SLC4A4: variants seen among roughly 807,000 people sequenced by gnomAD.
SLC4A4 encodes electrogenic sodium bicarbonate cotransporter 1.
In SLC4A4, 27 loss-of-function variants were observed where a neutral mutation model predicts 111.5. That is an observed-to-expected ratio of 0.24 (90% CI 0.18 to 0.33). The LOEUF (loss-of-function observed/expected upper bound fraction) is 0.33, where lower values mean the gene tolerates loss of function less well. Among genes scored for constraint, SLC4A4 ranks in the 10% least tolerant of loss-of-function variants. The pLI is 1.00. For missense variants in SLC4A4, 909 were observed against 1,315.5 expected (o/e 0.69, Z 4.78); for synonymous variants, 443 against 463.4 (o/e 0.96, Z 0.57).
At chr4:71,477,265 G>A (rs1268316026) in intron 14 of SLC4A4, among the ~76,000 whole-genome samples, 1 of 151,724 alleles carries the variant, frequency 6.6e-6, no homozygotes, top group African/African-American at 2.4e-5. Flanking sequence ...ATGCAAAATA[G>A]TTTGGCACCT....
chr4:71,531,795 ACACACACAC>A (rs1733943461), intron 16 of SLC4A4, among the ~76,000 whole-genome samples: 2 of 149,006 alleles, frequency 1.3e-5, no homozygotes, highest in African/African-American at 2.5e-5. Context: ...ACACACACAC[ACACACACAC>A]AGAAAGAGAG....
chr4:71,325,175 A>G (rs1006595103), intron 3 of SLC4A4, among the ~76,000 whole-genome samples: 2 of 151,892 alleles, frequency 1.3e-5, no homozygotes, highest in African/African-American at 4.8e-5. Context: ...TGGTTGGGGT[A>G]AAGGTATGTT....
intron 6 of SLC4A4, among the ~76,000 whole-genome samples, chr4:71,381,250 C>A (rs773919846): frequency 1.3e-5 from 2 of 152,166 alleles, no homozygotes; most frequent in Non-Finnish European, 2.9e-5. Context: ...AAAATCGATT[C>A]TTCTAGCACA....
chr4:71,086,663 C>A (rs1438796377), intron 1 of SLC4A4, among the ~76,000 whole-genome samples: 1 of 151,912 alleles, frequency 6.6e-6, no homozygotes, highest in African/African-American at 2.4e-5. Flanking sequence ...TTGAGATAAT[C>A]GTATGGTTTT....
intron 2 of SLC4A4, among the ~76,000 whole-genome samples, chr4:71,182,062 C>T (rs1201235119): frequency 6.6e-6 from 1 of 152,154 alleles, no homozygotes; most frequent in East Asian, 1.9e-4. Flanking sequence ...ATTTTGTCCA[C>T]TTATTTGTTT....
intron 17 of SLC4A4, 47 bp downstream of exon 17, chr4:71,532,222 T>C: frequency 1.9e-6 from 2 of 1,035,346 alleles, no homozygotes. Flanking sequence ...TCTTTTTCTT[T>C]CTTTCCCCCT....
At chr4:71,365,073 C>T (rs1024774617) in intron 6 of SLC4A4, among the ~76,000 whole-genome samples, 2 of 151,960 alleles carry the variant, frequency 1.3e-5, no homozygotes, top group Non-Finnish European at 2.9e-5. Flanking sequence ...ACAGTTTTAG[C>T]TATCAAGAAA....
At chr4:71,549,455 G>T (rs891243700) in intron 20 of SLC4A4, among the ~76,000 whole-genome samples, 2 of 151,814 alleles carry the variant, frequency 1.3e-5, no homozygotes, top group East Asian at 3.9e-4. Context: ...ACTTCAAGTA[G>T]GTGCAGAGTT....
intron 1 of SLC4A4, among the ~76,000 whole-genome samples, chr4:71,087,426 T>C (rs1393512795): frequency 6.6e-6 from 1 of 152,088 alleles, no homozygotes; most frequent in Admixed American, 6.5e-5. Flanking sequence ...CTGATCTTAG[T>C]TATTTCTTGC....
chr4:71,419,395 A>G (rs2149016133), intron 7 of SLC4A4, among the ~76,000 whole-genome samples: 1 of 152,310 alleles, frequency 6.6e-6, no homozygotes, highest in South Asian at 2.1e-4. Context: ...AAGCCTGGAC[A>G]ATGGCAGGCG....
rs193293784 is a variant in SLC4A4 at position 71,530,367 on chromosome 4, T to C, written c.2167-1695T>C. Reference sequence around the variant, plus strand: ...CAAACCAATGAAGTTGTAGGGATTATTTTGGCTATGTTTTGCAGATGAAGT... The same window carrying C: ...CAAACCAATGAAGTTGTAGGGATTACTTTGGCTATGTTTTGCAGATGAAGT... On this transcript the variant is annotated intron_variant, in intron 16 of 25. Transcript: ENST00000264485. 1.9e-3 allele frequency among the ~76,000 whole-genome samples: 291 copies of C among 152,250 alleles called. 2 individuals carry two copies. Among genetic ancestry groups the C allele is most frequent in the Middle Eastern group, 0.01 (3 of 294 alleles).
At position 71,570,037 on chromosome 4, in the gene SLC4A4, A is replaced by T. The variant is rs1165529578; in HGVS notation, c.*2286A>T. On this transcript the variant is annotated 3_prime_UTR_variant, in exon 26 of 26. Transcript: ENST00000264485. ...ATAAGAAGACTTTCCTTTTTTCTTT[A>T]TGCATGGAAGCATCAATAAATTGTT... is the stretch of plus-strand genomic sequence containing the variant. 1 of 151,584 alleles carries T rather than the reference A, an allele frequency of 6.6e-6. No individual in the cohort carries two copies. The highest frequency in any genetic ancestry group is 2.4e-5 in the African/African-American group (1 of 41,340). The allele number at this position is 151,584 out of a possible 1,614,324, so 9.4% of individuals were successfully genotyped here. A position where few individuals can be genotyped will look rare whatever the true frequency, so the allele number is the denominator to read the frequency against.
chr4:71,445,904 A>G (rs1725184086), intron 8 of SLC4A4, among the ~76,000 whole-genome samples: 2 of 152,192 alleles, frequency 1.3e-5, no homozygotes, highest in African/African-American at 2.4e-5. Context: ...CAAAAGTTCT[A>G]GTGTCAATTG....
chr4:71,421,496 T>C (rs1291791825), intron 7 of SLC4A4, among the ~76,000 whole-genome samples: 1 of 152,160 alleles, frequency 6.6e-6, no homozygotes, highest in Non-Finnish European at 1.5e-5. Context: ...CTAATAGACA[T>C]CTACAGAACT....
intron 6 of SLC4A4, among the ~76,000 whole-genome samples, chr4:71,365,595 C>G (rs144593089): frequency 1.2e-4 from 19 of 152,270 alleles, no homozygotes; most frequent in Middle Eastern, 3.4e-3. Flanking sequence ...CTACTCAACT[C>G]CTGTATCCAT....
In SLC4A4 at chr4:71,406,776, G is replaced by T. The variant is rs538331041; in HGVS notation, c.807+9123G>T. Among the ~76,000 whole-genome samples the T allele has an allele frequency of 5.9e-5, 9 of 151,956 alleles. No individual in the cohort carries two copies. The East Asian group carries it at 1.7e-3, about 29-fold the overall frequency. ...TGTTCCATGCATACACATATAAGAG[G>T]GTAGGAAGTAACTGAGTCATTGCAT... On this transcript the variant is annotated intron_variant, in intron 7 of 25. Coordinates refer to ENST00000264485, the MANE Select transcript of SLC4A4 (RefSeq NM_001098484.3).
intron 14 of SLC4A4, among the ~76,000 whole-genome samples, chr4:71,484,076 CT>C (rs1326316203): frequency 1.3e-5 from 2 of 151,712 alleles, no homozygotes; most frequent in Admixed American, 1.3e-4. Context: ...GATATTAGGC[CT>C]TTGTCAGATG....
intron 16 of SLC4A4, 56 bp from the exon 17 acceptor site, chr4:71,532,006 G>T: frequency 9.9e-7 from 1 of 1,013,074 alleles, no homozygotes; most frequent in South Asian, 1.3e-5. Context: ...TTCAAACACA[G>T]ACAAATATAT....
intron 2 of SLC4A4, among the ~76,000 whole-genome samples, chr4:71,165,452 A>G (rs1269231371): frequency 2.0e-5 from 3 of 152,132 alleles, no homozygotes; most frequent in African/African-American, 7.2e-5. Flanking sequence ...CTAACAGAGG[A>G]ACAGAAAACC....
Sources: allele counts gnomAD v4.1 joint callset (sites outside exome capture counted in the v4.1 genomes callset), GRCh38; gene constraint gnomAD v4.1.1; transcripts MANE v1.5; gene names NCBI Gene and HGNC (gene_info 2026-07-23, HGNC 2026-07-21).